MYOF: variants seen among roughly 807,000 people sequenced by gnomAD.
MYOF encodes the protein myoferlin, also known as fer-1-like 3, myoferlin.
In MYOF, 244 loss-of-function variants were observed where a neutral mutation model predicts 284.2. The observed-to-expected ratio is 0.86, with a 90% CI of 0.77 to 0.95. The LOEUF is 0.95. Among genes scored for constraint, MYOF ranks in the 40% least tolerant of loss-of-function variants. The pLI is 0.00. For missense variants in MYOF, 2,496 were observed against 2,560.6 expected (o/e 0.97, Z 0.54); for synonymous variants, 904 against 919.7 (o/e 0.98, Z 0.31).
chr10:93,463,624 T>C (rs141157839), intron 1 of MYOF, among the ~76,000 whole-genome samples: 42 of 151,740 alleles, frequency 2.8e-4, no homozygotes, highest in African/African-American at 9.2e-4. Flanking sequence ...GGTCTCAAAC[T>C]CCTGACCTCA....
chr10:93,354,666 A>T lies in MYOF; in HGVS notation c.3404-778T>A, dbSNP rs79768221. Among the ~76,000 whole-genome samples the T allele has an allele frequency of 6.4e-3, 765 of 119,114 alleles. 3 individuals carry two copies. Among genetic ancestry groups the T allele is most frequent in the Middle Eastern group, 0.019 (4 of 212 alleles). The allele number at this position is 119,114 out of a possible 152,430, so 78.1% of individuals were successfully genotyped here. On this transcript the variant is annotated intron_variant, in intron 31 of 53. Coordinates refer to ENST00000359263, the MANE Select transcript of MYOF (RefSeq NM_013451.4). ...CTCTGTCTCTATCACTCACACATTCACTCTCTCTCTCTCTCTCTCTCTCTC... is the reference window on the plus strand; with the variant it reads ...CTCTGTCTCTATCACTCACACATTCTCTCTCTCTCTCTCTCTCTCTCTCTC...
intron 1 of MYOF, among the ~76,000 whole-genome samples, chr10:93,477,069 C>T (rs1045036178): frequency 6.6e-6 from 1 of 152,256 alleles, no homozygotes; most frequent in Admixed American, 6.5e-5. Flanking sequence ...ATTGTAAAGG[C>T]ACAATAATAT....
intron 37 of MYOF, among the ~76,000 whole-genome samples, chr10:93,347,149 G>T (rs898859358): frequency 2.0e-5 from 3 of 152,170 alleles, no homozygotes; most frequent in African/African-American, 7.2e-5. Flanking sequence ...TTAGGAAAGT[G>T]CCATAACCCA....
At chr10:93,383,710 G>C (rs1846229518) in intron 19 of MYOF, among the ~76,000 whole-genome samples, 1 of 152,188 alleles carries the variant, frequency 6.6e-6, no homozygotes. Flanking sequence ...GATGATAGGA[G>C]AAAAGGGAAA....
At chr10:93,325,070 A>G (rs1842985633) in intron 46 of MYOF, among the ~76,000 whole-genome samples, 1 of 152,078 alleles carries the variant, frequency 6.6e-6, no homozygotes, top group Admixed American at 6.6e-5. Flanking sequence ...AAGCCACCGC[A>G]CCCGGCCTAG....
chr10:93,377,693 C>T (rs774286682), intron 21 of MYOF, among the ~76,000 whole-genome samples: 17 of 151,816 alleles, frequency 1.1e-4, no homozygotes, highest in Non-Finnish European at 2.2e-4. Context: ...TGACTATGTA[C>T]ACTTTGTTAA....
intron 23 of MYOF, among the ~76,000 whole-genome samples, chr10:93,374,349 G>T (rs1405642949): frequency 2.0e-5 from 3 of 152,154 alleles, no homozygotes; most frequent in East Asian, 1.9e-4. Flanking sequence ...CCATTTTACA[G>T]ATGGGGAAAC....
In MYOF at chr10:93,310,118, T is replaced by G; in HGVS notation, c.6049A>C (p.Lys2017Gln). 1 of 1,614,142 alleles carries G rather than the reference T, an allele frequency of 6.2e-7. No homozygotes were observed. The highest frequency in any genetic ancestry group is 8.5e-7 in the Non-Finnish European group (1 of 1,180,034). ...LWFTNPCKTM[K>Q]FIVWRRFKWV... ...TTAAAGCGGCGCCACACGATGAACT[T>G]CATGGTCTTGCATGGGTTGGTGAAC... The change falls in exon 53 of 54, where the codon AAG (lysine) becomes CAG (glutamine). Residue 2017 changes from lysine (K) to glutamine (Q), a missense_variant. By Grantham distance (53) the Lys-to-Gln change is moderately conservative (BLOSUM62 1). Around this residue, in one of 3 missense-constraint regions of MYOF, gnomAD observed 2,436 missense variants for 2,480.7 expected, o/e 0.98. Transcript: ENST00000359263.
intron 3 of MYOF, among the ~76,000 whole-genome samples, chr10:93,447,220 C>T (rs1380885265): frequency 1.3e-5 from 2 of 152,188 alleles, no homozygotes; most frequent in Non-Finnish European, 2.9e-5. Flanking sequence ...TTGTGATACT[C>T]TACCTTGTTT....
chr10:93,336,152 C>G (rs534658575), intron 40 of MYOF, 106 bp from the exon 41 acceptor site: 1 of 1,277,794 alleles, frequency 7.8e-7, no homozygotes, highest in East Asian at 2.4e-5. Flanking sequence ...GATGGGGCGA[C>G]CGGAACTCCC....
intron 1 of MYOF, among the ~76,000 whole-genome samples, chr10:93,457,863 G>T (rs982146450): frequency 1.3e-5 from 2 of 150,260 alleles, no homozygotes; most frequent in South Asian, 4.2e-4. Context: ...GCCCCATGTA[G>T]TTGGGACCAC....
chr10:93,311,814 T>A (rs1034560084), intron 51 of MYOF, among the ~76,000 whole-genome samples: 9 of 152,134 alleles, frequency 5.9e-5, no homozygotes, highest in Non-Finnish European at 1.3e-4. Flanking sequence ...TCCAAGACTG[T>A]TTTTGGAATC....
intron 1 of MYOF, among the ~76,000 whole-genome samples, chr10:93,472,669 A>G (rs2057175163): frequency 6.6e-6 from 1 of 151,588 alleles, no homozygotes; most frequent in Non-Finnish European, 1.5e-5. Context: ...AACAAAAACA[A>G]AACTGTACAC....
chr10:93,349,452 G>A (rs2133880959), intron 36 of MYOF, among the ~76,000 whole-genome samples: 1 of 152,346 alleles, frequency 6.6e-6, no homozygotes, highest in East Asian at 1.9e-4. Context: ...TCTGGTCCAT[G>A]CACAGTTGTA....
At chr10:93,433,223 T>G (rs1449116144) in intron 3 of MYOF, among the ~76,000 whole-genome samples, 1 of 152,236 alleles carries the variant, frequency 6.6e-6, no homozygotes, top group Non-Finnish European at 1.5e-5. Flanking sequence ...AACGGCGTGA[T>G]CTCAGCTCAC....
At chr10:93,429,848 C>T (rs944637052) in intron 4 of MYOF, among the ~76,000 whole-genome samples, 2 of 151,972 alleles carry the variant, frequency 1.3e-5, no homozygotes, top group Non-Finnish European at 2.9e-5. Context: ...GGACTTGCGA[C>T]ACTTGAGTCA....
At chr10:93,319,243 G>A (rs1842751491) in intron 49 of MYOF, among the ~76,000 whole-genome samples, 1 of 152,232 alleles carries the variant, frequency 6.6e-6, no homozygotes, top group Non-Finnish European at 1.5e-5. Context: ...GTCTCCTGGG[G>A]AAGAGTGTGG....
Position 93,333,912 on chromosome 10 carries a change from C to A in MYOF, c.4565G>T (p.Gly1522Val). The change falls in exon 42 of 54, where the codon GGC becomes GTC. Residue 1522 changes from glycine (G) to valine (V), a missense_variant and splice_region_variant. This residue lies in a region of MYOF where 2,436 missense variants were observed against 2,480.7 expected (regional missense o/e 0.98). Transcript: ENST00000359263. Reference sequence around the variant, plus strand: ...CGGCAGAGGGTAGATCCGAAAGGAGCCCTAAAAGAGAGAGACAGAAGGACT... The same window carrying A: ...CGGCAGAGGGTAGATCCGAAAGGAGACCTAAAAGAGAGAGACAGAAGGACT... ...EDPSVVGEFK[G>V]SFRIYPLPDD... 1 of 1,613,566 alleles carries A rather than the reference C, an allele frequency of 6.2e-7. No individual in the cohort carries two copies. Among genetic ancestry groups the A allele is most frequent in the South Asian group, 1.1e-5 (1 of 90,924 alleles).
At chr10:93,455,749 G>T (rs1410432387) in intron 2 of MYOF, among the ~76,000 whole-genome samples, 2 of 152,206 alleles carry the variant, frequency 1.3e-5, no homozygotes, top group Non-Finnish European at 2.9e-5. Flanking sequence ...AGGTGGGTGG[G>T]TGGAGGGGAG....
Sources: gnomAD v4.1 joint callset for allele counts (sites outside exome capture counted in the v4.1 genomes callset) on GRCh38, gnomAD v4.1.1 for gene constraint, gnomAD v4.1.1 regional missense constraint, MANE v1.5 for transcripts, NCBI Gene and HGNC (gene_info 2026-07-23, HGNC 2026-07-21) for gene names.